Variants in WDR27 observed in about 807,000 individuals in gnomAD.
WDR27 encodes the protein WD repeat-containing protein 27.
Under a neutral mutation model 114.4 loss-of-function variants are expected in WDR27, and 100 were observed. The ratio of observed to expected loss-of-function variants is 0.87; its 90% CI spans 0.74 to 1.03. The LOEUF (loss-of-function observed/expected upper bound fraction) is 1.03. WDR27 is among the 50% of genes least tolerant of loss of function. The pLI is 0.00. For missense variants in WDR27, 1,129 were observed against 1,092.9 expected, an observed-to-expected ratio of 1.03 and a Z score of -0.47; for synonymous variants, 449 against 423.1, an observed-to-expected ratio of 1.06 and a Z score of -0.75.
intron 1 of WDR27, among the ~76,000 whole-genome samples, chr6:169,691,549 G>A (rs1027837377): frequency 6.6e-5 from 10 of 152,066 alleles, no homozygotes; most frequent in Admixed American, 4.6e-4. Flanking sequence ...AAACATCTTC[G>A]GAGACAGATG....
At position 169,646,760 on chromosome 6, in the gene WDR27, A is replaced by G. The variant is rs188533886; in HGVS notation, c.1657+1013T>C. On this transcript the variant is annotated intron_variant, in intron 16 of 25. Coordinates refer to ENST00000448612, the MANE Select transcript of WDR27 (RefSeq NM_182552.5). ...GAGTCTCTGTCTCAAAAAAAAAAAA[A>G]AAAGAAAAGAAAGAAATGATAGATG... 5.9e-3 allele frequency among the ~76,000 whole-genome samples: 893 copies of G among 151,966 alleles called. 9 individuals are homozygous for G. The highest frequency in any genetic ancestry group is 0.02 in the African/African-American group (833 of 41,474).
intron 25 of WDR27, among the ~76,000 whole-genome samples, chr6:169,509,912 A>T (rs1336879288): frequency 6.6e-6 from 1 of 152,236 alleles, no homozygotes; most frequent in East Asian, 1.9e-4. Flanking sequence ...AGAATCTACA[A>T]TGAACTCAAA....
intron 25 of WDR27, among the ~76,000 whole-genome samples, chr6:169,531,029 C>G (rs1562539952): frequency 6.6e-6 from 1 of 152,136 alleles, no homozygotes; most frequent in Non-Finnish European, 1.5e-5. Flanking sequence ...CACTGCCTGA[C>G]ATGTTGTCTG....
chr6:169,584,073 A>C (rs1393649238), intron 23 of WDR27, among the ~76,000 whole-genome samples: 1 of 74,734 alleles, frequency 1.3e-5, no homozygotes, highest in Admixed American at 1.4e-4. Flanking sequence ...CTCCCCGCCT[A>C]TGTCTACCCT....
At chr6:169,427,940 T>G in the WDR27 span, among the ~76,000 whole-genome samples, 1 of 152,148 alleles carries the variant, frequency 6.6e-6, no homozygotes, top group African/African-American at 2.4e-5. Context: ...CCTTGCTCCT[T>G]TCACAGCAGG....
Position 169,647,821 on chromosome 6 carries a change from C to G in WDR27, c.1609G>C (p.Val537Leu), listed in dbSNP as rs1489822472. 5.0e-6 allele frequency: 8 copies of G among 1,585,300 alleles called. No individual in the cohort carries two copies. The highest frequency in any genetic ancestry group is 6.9e-6 in the Non-Finnish European group (8 of 1,166,824). ...CAVPTKPGPQ[V>L]AAAPTCTRVC... ...CGTGTGCAGGTGGGGGCGGCAGCGA[C>G]CTGGGGGCCGGGCTTGGTGGGCACA... The change falls in exon 16 of 26, where the codon GTC becomes CTC. Residue 537 changes from valine to leucine, a missense_variant. Transcript: ENST00000448612.
At position 169,540,883 on chromosome 6, in the gene WDR27, T is replaced by C. The variant is rs868740876; in HGVS notation, c.2645+31536A>G. Among the ~76,000 whole-genome samples, 3 of 152,214 alleles carry C rather than the reference T, an allele frequency of 2.0e-5. 1 individual carries two copies. The highest frequency in any genetic ancestry group is 6.3e-3 in the Middle Eastern group (2 of 316). On this transcript the variant is annotated intron_variant, in intron 25 of 25. Coordinates refer to ENST00000448612, the MANE Select transcript of WDR27 (RefSeq NM_182552.5). The stretch of plus-strand genomic sequence containing the variant: ...GTTAGATTAGTTATTTCCTGGATTC[T>C]GTGCCTTCTCTGTTCTCAGAACCCT...
At chr6:169,550,369 G>A (rs1435240840) in intron 25 of WDR27, among the ~76,000 whole-genome samples, 1 of 152,096 alleles carries the variant, frequency 6.6e-6, no homozygotes, top group Admixed American at 6.6e-5. Flanking sequence ...TCCAGTTAAT[G>A]CTTGTGTGTC....
At chr6:169,605,762 A>G (rs1809036961) in intron 22 of WDR27, among the ~76,000 whole-genome samples, 2 of 152,192 alleles carry the variant, frequency 1.3e-5, no homozygotes, top group Admixed American at 1.3e-4. Flanking sequence ...AAAAATAGAC[A>G]TATAGACCAA....
At chr6:169,665,169 G>C in intron 7 of WDR27, 2 of 1,085,812 alleles carry the variant, frequency 1.8e-6, no homozygotes, top group Non-Finnish European at 2.2e-6. Flanking sequence ...GTGGGAGCGG[G>C]GGACGTCTGC....
In WDR27 at chr6:169,668,972, A is replaced by T. The variant is rs78050583; in HGVS notation, c.457-787T>A. Reference sequence around the variant, plus strand: ...ATCAGATTGTTAAAAATAAAAGGCAAGACTATAACCTGTGTAGGAATAGGG... The same window carrying T: ...ATCAGATTGTTAAAAATAAAAGGCATGACTATAACCTGTGTAGGAATAGGG... On this transcript the variant is annotated intron_variant, in intron 4 of 25. Coordinates refer to ENST00000448612, the MANE Select transcript of WDR27 (RefSeq NM_182552.5). Among the ~76,000 whole-genome samples the T allele has an allele frequency of 8.0e-3, 1,222 of 152,352 alleles. 15 individuals are homozygous for T. Among genetic ancestry groups the T allele is most frequent in the South Asian group, 0.031 (150 of 4,830 alleles).
chr6:169,662,589 T>G (rs1338331783), intron 8 of WDR27, among the ~76,000 whole-genome samples, 165 bp from the exon 9 acceptor site: 3 of 151,690 alleles, frequency 2.0e-5, no homozygotes, highest in Non-Finnish European at 4.4e-5. Context: ...ATGACGCGTG[T>G]GCACCACGGA....
At chr6:169,466,732 G>A (rs1373177516) in intron 25 of WDR27, among the ~76,000 whole-genome samples, 1 of 152,128 alleles carries the variant, frequency 6.6e-6, no homozygotes, top group Non-Finnish European at 1.5e-5. Flanking sequence ...TTTAAGATGA[G>A]ATTTGGGTGG....
rs188153553 is a variant in WDR27 at position 169,630,765 on chromosome 6, G to A, written c.2223+2182C>T. 5.5e-3 allele frequency among the ~76,000 whole-genome samples: 840 copies of A among 152,096 alleles called. 4 individuals are homozygous for A. The highest frequency in any genetic ancestry group is 6.2e-3 in the Non-Finnish European group (423 of 67,978). On this transcript the variant is annotated intron_variant, in intron 21 of 25. Coordinates refer to ENST00000448612, the MANE Select transcript of WDR27 (RefSeq NM_182552.5). ...AAAAATTAGCCAGGCGTGGTGGCACGCGCCTGTAATCCCAGCTACTCGGGA... is the reference window on the plus strand; with the variant it reads ...AAAAATTAGCCAGGCGTGGTGGCACACGCCTGTAATCCCAGCTACTCGGGA...
At chr6:169,646,758 A>C (rs1200664773) in intron 16 of WDR27, among the ~76,000 whole-genome samples, 1 of 151,912 alleles carries the variant, frequency 6.6e-6, no homozygotes, top group African/African-American at 2.4e-5. Context: ...AAAAAAAAAA[A>C]AAAAAGAAAA....
In WDR27 at chr6:169,634,561, T is replaced by A. The variant is rs751557410; in HGVS notation, c.2004-36A>T. The A allele has an allele frequency of 5.5e-6, 8 of 1,452,864 alleles. No homozygotes were observed. In the African/African-American group the frequency reaches 1.1e-4, roughly 20 times the overall value. The allele number at this position is 1,452,864 out of a possible 1,614,324, so 90.0% of individuals were successfully genotyped here. A position where few individuals can be genotyped will look rare whatever the true frequency, so the allele number is the denominator to read the frequency against. On this transcript the variant is annotated intron_variant, in intron 19 of 25. Coordinates refer to ENST00000448612, the MANE Select transcript of WDR27 (RefSeq NM_182552.5). ...AAATCAAGATGATCAATATTTTTGC[T>A]TTCCTTCTGCTACAACTAAACACCT... is the stretch of plus-strand genomic sequence containing the variant.
chr6:169,464,883 G>A (rs558700280), intron 25 of WDR27, among the ~76,000 whole-genome samples: 1 of 152,380 alleles, frequency 6.6e-6, no homozygotes, highest in South Asian at 2.1e-4. Context: ...CACACTTTGG[G>A]AGGCCAAGGT....
intron 21 of WDR27, among the ~76,000 whole-genome samples, chr6:169,625,970 G>A (rs557885562): frequency 6.6e-5 from 10 of 152,302 alleles, no homozygotes; most frequent in East Asian, 1.9e-4. Context: ...TCATGTGGGC[G>A]CCAAGCTTGA....
At chr6:169,693,183 A>C (rs1361867760) in intron 1 of WDR27, among the ~76,000 whole-genome samples, 1 of 152,228 alleles carries the variant, frequency 6.6e-6, no homozygotes, top group Non-Finnish European at 1.5e-5. Context: ...TTGGGGTCAT[A>C]TCTTTACCCT....
Sources: gnomAD v4.1 joint callset for allele counts (sites outside exome capture counted in the v4.1 genomes callset) on GRCh38, gnomAD v4.1.1 for gene constraint, MANE v1.5 for transcripts, NCBI Gene and HGNC (gene_info 2026-07-23, HGNC 2026-07-21) for gene names.